The following PARD6G variants were observed in gnomAD, a reference collection of about 807,000 sequenced individuals.
PARD6G encodes partitioning defective 6 homolog gamma.
PARD6G carries 7 observed loss-of-function variants against 10.7 expected under a neutral mutation model. The ratio of observed to expected loss-of-function variants is 0.66; its 90% CI spans 0.37 to 1.23. The LOEUF is 1.23. PARD6G is among the 50% of genes most tolerant of loss of function. PARD6G has a pLI of 0.02. For synonymous variants in PARD6G, 287 were observed against 269.4 expected (o/e 1.07, Z -0.64); for missense variants, 548 against 571.8 (o/e 0.96, Z 0.42).
chr18:80,242,466 A>G (rs536996692), intron 1 of PARD6G, among the ~76,000 whole-genome samples: 1 of 152,336 alleles, frequency 6.6e-6, no homozygotes, highest in African/African-American at 2.4e-5. Context: ...GCCAGCAGTA[A>G]GATCTTGGGG....
intron 1 of PARD6G, among the ~76,000 whole-genome samples, chr18:80,235,548 C>A (rs1967411385): frequency 6.6e-6 from 1 of 151,912 alleles, no homozygotes; most frequent in Non-Finnish European, 1.5e-5. Context: ...AAAAACCCTT[C>A]AAAAAAATCA....
At chr18:80,186,642 G>T (rs1348925515) in intron 2 of PARD6G, among the ~76,000 whole-genome samples, 1 of 148,470 alleles carries the variant, frequency 6.7e-6, no homozygotes, top group Non-Finnish European at 1.5e-5. Flanking sequence ...TGCTCTCGAT[G>T]GGATAACTGA....
At position 80,175,564 on chromosome 18, in the gene PARD6G, T is replaced by C. The variant is rs554781790; in HGVS notation, c.296-14958A>G. On this transcript the variant is annotated intron_variant, in intron 2 of 2. Transcript: ENST00000353265. This position sits in a 1 kb window ranked among gnomAD's most constrained non-coding sequence, Gnocchi z 6.7. ...CTCCAGATACAGTCAGACTGAGGGC[T>C]AGGACTTCGACATCAGAACCTGGGG... 2.0e-5 allele frequency among the ~76,000 whole-genome samples: 3 copies of C among 152,338 alleles called. No homozygotes were observed. The highest frequency in any genetic ancestry group is 7.2e-5 in the African/African-American group (3 of 41,586).
In PARD6G at chr18:80,223,214, T is replaced by G. The variant is rs530537818; in HGVS notation, c.73-20282A>C. Among the ~76,000 whole-genome samples, 58 of 152,232 alleles carry G rather than the reference T, an allele frequency of 3.8e-4. 1 individual carries two copies. In the Middle Eastern group the frequency reaches 0.017, roughly 45 times the overall value. ...ATCATTACTGGAGTTAGGCAATAATTTCTTAAATATGATGCCAAAAGCAGA... is the reference window on the plus strand; with the variant it reads ...ATCATTACTGGAGTTAGGCAATAATGTCTTAAATATGATGCCAAAAGCAGA... On this transcript the variant is annotated intron_variant, in intron 1 of 2. Transcript: ENST00000353265.
intron 1 of PARD6G, among the ~76,000 whole-genome samples, chr18:80,209,443 TG>T (rs1967085692): frequency 6.6e-6 from 1 of 152,172 alleles, no homozygotes; most frequent in African/African-American, 2.4e-5. Context: ...AAAACGGGGT[TG>T]GGGGAGATTT....
intron 1 of PARD6G, among the ~76,000 whole-genome samples, chr18:80,239,871 T>G (rs1967470576): frequency 6.6e-6 from 1 of 151,798 alleles, no homozygotes. Context: ...GAAGCTTATT[T>G]GGCTCACAGT....
intron 1 of PARD6G, among the ~76,000 whole-genome samples, chr18:80,242,626 C>A (rs1318924229): frequency 6.6e-6 from 1 of 152,218 alleles, no homozygotes; most frequent in Non-Finnish European, 1.5e-5. Context: ...GGCAAGGTCA[C>A]AACACTCTCA....
intron 2 of PARD6G, among the ~76,000 whole-genome samples, chr18:80,186,968 G>A (rs550250243): frequency 5.8e-4 from 88 of 152,160 alleles, no homozygotes; most frequent in Non-Finnish European, 9.1e-4. Flanking sequence ...GCGTGGTGGC[G>A]GGCACCTGTA....
At position 80,247,261 on chromosome 18, in the gene PARD6G, C is replaced by A; in HGVS notation, c.72+16G>T. The A allele has an allele frequency of 6.4e-7, 1 of 1,564,678 alleles. No individual in the cohort carries two copies. Among genetic ancestry groups the A allele is most frequent in the Non-Finnish European group, 8.7e-7 (1 of 1,154,614 alleles). ...GAGACTGGGCGCAGGGCCGCCGGGG[C>A]GGGCGGGGGGCTTACCTTGCTCTTG... is the stretch of plus-strand genomic sequence containing the variant. On this transcript the variant is annotated intron_variant, in intron 1 of 2. Coordinates refer to ENST00000353265, the MANE Select transcript of PARD6G (RefSeq NM_032510.4). The surrounding 1 kb of genome is among the most constrained non-coding windows in gnomAD (Gnocchi z 4.2).
intron 2 of PARD6G, among the ~76,000 whole-genome samples, chr18:80,193,580 T>G (rs1054756786): frequency 7.9e-5 from 12 of 152,238 alleles, no homozygotes; most frequent in African/African-American, 2.9e-4. Context: ...GTTTGTACAA[T>G]GTACCTAATG....
intron 2 of PARD6G, among the ~76,000 whole-genome samples, chr18:80,166,997 G>A (rs866732576): frequency 2.0e-4 from 31 of 152,112 alleles, no homozygotes; most frequent in African/African-American, 7.2e-4. Flanking sequence ...GGGAGTTTCA[G>A]CGCATCTAAA....
intron 2 of PARD6G, among the ~76,000 whole-genome samples, chr18:80,196,908 A>G (rs1276585795): frequency 2.0e-5 from 3 of 151,262 alleles, no homozygotes; most frequent in East Asian, 1.9e-4. Context: ...AAAAAAAAAA[A>G]AAAAAAAAAG....
At chr18:80,244,262 G>A (rs936947670) in intron 1 of PARD6G, among the ~76,000 whole-genome samples, 1 of 152,152 alleles carries the variant, frequency 6.6e-6, no homozygotes, top group African/African-American at 2.4e-5. Flanking sequence ...GTGGGAAAAG[G>A]GTGGTCCCAT....
chr18:80,163,913 G>T (rs1364663618), intron 2 of PARD6G, among the ~76,000 whole-genome samples: 1 of 152,176 alleles, frequency 6.6e-6, no homozygotes, highest in Non-Finnish European at 1.5e-5. Flanking sequence ...CACTAGCTGG[G>T]GCCTCAGGAC....
intron 1 of PARD6G, among the ~76,000 whole-genome samples, chr18:80,229,447 A>C (rs1967334260): frequency 6.6e-6 from 1 of 152,234 alleles, no homozygotes; most frequent in Non-Finnish European, 1.5e-5. Context: ...CAAGGAAGTC[A>C]GGACCTCTGG....
intron 1 of PARD6G, among the ~76,000 whole-genome samples, chr18:80,222,088 T>G (rs374882537): frequency 6.6e-6 from 1 of 151,906 alleles, no homozygotes; most frequent in African/African-American, 2.4e-5. Flanking sequence ...ATTTTTTTCT[T>G]TTTTCTTTTT....
chr18:80,167,069 CCAAT>C (rs2052741010), intron 2 of PARD6G, among the ~76,000 whole-genome samples: 2 of 152,144 alleles, frequency 1.3e-5, no homozygotes, highest in Non-Finnish European at 2.9e-5. Context: ...AAGACAATGG[CCAAT>C]CAAAACAGTG....
chr18:80,244,631 T>C (rs1451137635), intron 1 of PARD6G, among the ~76,000 whole-genome samples: 1 of 152,224 alleles, frequency 6.6e-6, no homozygotes, highest in African/African-American at 2.4e-5. Flanking sequence ...AAAGGTATCA[T>C]GCCCATTTTA....
At chr18:80,245,845 TG>T (rs1967538867) in intron 1 of PARD6G, among the ~76,000 whole-genome samples, 1 of 151,888 alleles carries the variant, frequency 6.6e-6, no homozygotes, top group Admixed American at 6.6e-5. Context: ...CCAGAGAAGA[TG>T]GGTGTGGGGC....
Sources: allele counts gnomAD v4.1 joint callset (sites outside exome capture counted in the v4.1 genomes callset), GRCh38; gene constraint gnomAD v4.1.1; non-coding constraint Gnocchi (gnomAD v3.1); transcripts MANE v1.5; gene names NCBI Gene and HGNC (gene_info 2026-07-23, HGNC 2026-07-21).